KLF13: variants seen among roughly 807,000 people sequenced by gnomAD.
KLF13 encodes Krueppel-like factor 13.
KLF13 carries 8 observed loss-of-function variants against 16.7 expected under a neutral mutation model. That is an observed-to-expected ratio of 0.48 (90% CI 0.28 to 0.87). KLF13 has a LOEUF of 0.87. Ranked by LOEUF, KLF13 falls within the 40% of genes least tolerant of loss-of-function variation. The probability of loss-of-function intolerance (pLI) is 0.10; values close to 1 mark genes in which losing one functional copy is unlikely to be tolerated. For missense variants in KLF13, 447 were observed against 452.2 expected, an observed-to-expected ratio of 0.99 and a Z score of 0.10; for synonymous variants, 245 against 208.4, an observed-to-expected ratio of 1.18 and a Z score of -1.51.
At chr15:31,342,290 C>A (rs1566806946) in intron 1 of KLF13, among the ~76,000 whole-genome samples, 1 of 152,190 alleles carries the variant, frequency 6.6e-6, no homozygotes, top group Non-Finnish European at 1.5e-5. Flanking sequence ...AAGGAAAGGA[C>A]TTTCGGAGAC....
intron 1 of KLF13, among the ~76,000 whole-genome samples, chr15:31,419,535 G>T (rs1014058572): frequency 2.0e-5 from 3 of 152,022 alleles, no homozygotes; most frequent in Admixed American, 6.6e-5. Flanking sequence ...TATAAAATTC[G>T]CTAGAAGGGT....
chr15:31,426,353 C>A (rs35760540), intron 1 of KLF13, among the ~76,000 whole-genome samples: 1 of 152,108 alleles, frequency 6.6e-6, no homozygotes, highest in African/African-American at 2.4e-5. Context: ...AACTTTAAAA[C>A]TCCTAGAAGA....
chr15:31,370,851 T>C (rs535001948), intron 1 of KLF13, among the ~76,000 whole-genome samples: 2 of 152,252 alleles, frequency 1.3e-5, no homozygotes, highest in Non-Finnish European at 2.9e-5. Flanking sequence ...TTCACTCTTT[T>C]CCTCTAGAGT....
chr15:31,346,361 C>T (rs986685646), intron 1 of KLF13, among the ~76,000 whole-genome samples: 4 of 152,214 alleles, frequency 2.6e-5, no homozygotes, highest in Non-Finnish European at 5.9e-5. Flanking sequence ...CTGTCCTTCC[C>T]CTTCTGGACT....
intron 1 of KLF13, among the ~76,000 whole-genome samples, chr15:31,349,042 A>G (rs28633674): frequency 0.43 from 64,648 of 151,884 alleles, 14,681 homozygotes; most frequent in East Asian, 0.56. Flanking sequence ...TCAAGCTGGG[A>G]GTTAGGGCTT....
chr15:31,397,879 G>T (rs917703059), intron 2 of KLF13, among the ~76,000 whole-genome samples: 3 of 149,558 alleles, frequency 2.0e-5, no homozygotes, highest in South Asian at 2.1e-4. Flanking sequence ...GGCGGCGGGG[G>T]GGGTGGTGAT....
intron 1 of KLF13, among the ~76,000 whole-genome samples, chr15:31,331,916 C>T (rs533082705): frequency 4.3e-4 from 65 of 152,212 alleles, no homozygotes; most frequent in Non-Finnish European, 9.1e-4. Context: ...TCACTGCTGG[C>T]ATTTTGTTCC....
chr15:31,385,609 T>C (rs757445092), intron 1 of KLF13, among the ~76,000 whole-genome samples: 7 of 152,250 alleles, frequency 4.6e-5, no homozygotes, highest in Non-Finnish European at 7.3e-5. Flanking sequence ...ATCTTTGATG[T>C]TACTCTTGTA....
At chr15:31,342,078 G>A (rs996550792) in intron 1 of KLF13, among the ~76,000 whole-genome samples, 9 of 152,190 alleles carry the variant, frequency 5.9e-5, no homozygotes, top group East Asian at 5.8e-4. Context: ...TTAATTAGCA[G>A]AAGTAGATGA....
downstream of KLF13, among the ~76,000 whole-genome samples, chr15:31,381,075 G>C (rs551198514): frequency 6.6e-6 from 1 of 151,274 alleles, no homozygotes; most frequent in Non-Finnish European, 1.5e-5. Context: ...GGGAGGCTGA[G>C]GCAGGAGAAC....
intron 1 of KLF13, among the ~76,000 whole-genome samples, chr15:31,414,290 G>A (rs748468486): frequency 1.3e-5 from 2 of 152,076 alleles, no homozygotes; most frequent in Non-Finnish European, 2.9e-5. Context: ...TGCAGAAAAA[G>A]CAGTAAAGCA....
At chr15:31,392,615 A>C (rs2140984147), upstream of KLF13, among the ~76,000 whole-genome samples, 1 of 152,280 alleles carries the variant, frequency 6.6e-6, no homozygotes, top group Middle Eastern at 3.4e-3. Context: ...CTGACCCCTC[A>C]GGCCTGTCCT....
chr15:31,421,992 G>C (rs1046982826), intron 1 of KLF13, among the ~76,000 whole-genome samples: 1 of 152,030 alleles, frequency 6.6e-6, no homozygotes, highest in African/African-American at 2.4e-5. Flanking sequence ...GCGTGCACCT[G>C]TAATCCCAGC....
intron 2 of KLF13, among the ~76,000 whole-genome samples, chr15:31,398,436 C>T (rs2140989648): frequency 6.6e-6 from 1 of 152,288 alleles, no homozygotes; most frequent in Middle Eastern, 3.4e-3. Flanking sequence ...GCGTGGTGGG[C>T]AATGAGGGAG....
intron 1 of KLF13, among the ~76,000 whole-genome samples, chr15:31,360,468 G>A (rs1229507030): frequency 6.6e-6 from 1 of 152,212 alleles, no homozygotes; most frequent in African/African-American, 2.4e-5. Flanking sequence ...AGGGCCCGGG[G>A]CTGCCAGGTC....
chr15:31,408,022 C>A (rs187723668), downstream of KLF13, among the ~76,000 whole-genome samples: 4 of 152,168 alleles, frequency 2.6e-5, no homozygotes, highest in East Asian at 7.7e-4. Context: ...AATATATTAA[C>A]CAATGCAATC....
chr15:31,336,672 G>A (rs944061842), intron 1 of KLF13, among the ~76,000 whole-genome samples: 1 of 152,144 alleles, frequency 6.6e-6, no homozygotes, highest in African/African-American at 2.4e-5. Context: ...AGGAATTGTT[G>A]GAAAAGAGAT....
chr15:31,394,539 T>C (rs1367663646), intron 2 of KLF13, among the ~76,000 whole-genome samples: 1 of 151,692 alleles, frequency 6.6e-6, no homozygotes, highest in Middle Eastern at 3.4e-3. Flanking sequence ...TTAAAGAGTG[T>C]GGGTGTGTAT....
At chr15:31,355,277 C>T (rs2039283001) in intron 1 of KLF13, among the ~76,000 whole-genome samples, 1 of 152,212 alleles carries the variant, frequency 6.6e-6, no homozygotes, top group African/African-American at 2.4e-5. Flanking sequence ...GTCATCTCCA[C>T]ATGCCTTGGG....
Sources: gnomAD v4.1 joint callset for allele counts (sites outside exome capture counted in the v4.1 genomes callset) on GRCh38, gnomAD v4.1.1 for gene constraint, MANE v1.5 for transcripts, NCBI Gene and HGNC (gene_info 2026-07-23, HGNC 2026-07-21) for gene names.